Variants in ACTN1 observed in about 807,000 individuals in gnomAD.
ACTN1 encodes actinin alpha 1.
In ACTN1, 30 loss-of-function variants were observed where a neutral mutation model predicts 119.6. The ratio of observed to expected loss-of-function variants is 0.25; its 90% confidence interval spans 0.19 to 0.34. ACTN1 has a LOEUF of 0.34. Among genes scored for constraint, ACTN1 ranks in the 10% least tolerant of loss-of-function variants. ACTN1 has a pLI of 1.00. For missense variants in ACTN1, 764 were observed against 1,223.4 expected, an observed-to-expected ratio of 0.62 and a Z score of 5.60; for synonymous variants, 429 against 472.6, an observed-to-expected ratio of 0.91 and a Z score of 1.20.
chr14:68,882,859 G>A lies in ACTN1; in HGVS notation c.1818+14C>T, dbSNP rs755451797. 1.2e-6 allele frequency: 2 copies of A among 1,612,908 alleles called. No homozygotes were observed. Among genetic ancestry groups the A allele is most frequent in the East Asian group, 2.2e-5 (1 of 44,844 alleles). ...TGAAACTTACAATGGCTCGGCCCAT[G>A]CCCTTCAACTCACGTGGTCCCATTT... On this transcript the variant is annotated intron_variant, in intron 15 of 21. Transcript: ENST00000394419. The surrounding 1 kb of genome is among the most constrained non-coding windows in gnomAD (Gnocchi z 4.5).
chr14:68,880,734 G>T lies in ACTN1; in HGVS notation c.2133+76C>A. On this transcript the variant is annotated intron_variant, in intron 17 of 21. Coordinates refer to ENST00000394419, the MANE Select transcript of ACTN1 (RefSeq NM_001130004.2). The surrounding 1 kb of genome is among the most constrained non-coding windows in gnomAD (Gnocchi z 4.6). ...TCCTCCAACTATGACCTGTTCCCTT[G>T]GAGACTTCCCCACCCAGGAGAAAGA... 1 of 1,495,124 alleles carries T rather than the reference G, an allele frequency of 6.7e-7. No homozygotes were observed. Among genetic ancestry groups the T allele is most frequent in the Non-Finnish European group, 9.2e-7 (1 of 1,088,654 alleles). The allele number at this position is 1,495,124 out of a possible 1,614,324, so 92.6% of individuals were successfully genotyped here.
At chr14:68,881,939 T>C (rs1000223476) in intron 16 of ACTN1, among the ~76,000 whole-genome samples, 2 of 87,096 alleles carry the variant, frequency 2.3e-5, no homozygotes, top group East Asian at 4.9e-4. Context: ...GCAGCTTCTT[T>C]TTTTTTTTTT....
rs373675356 is a variant in ACTN1 at position 68,878,248 on chromosome 14, C to T, written c.2427+210G>A. 2.2e-4 allele frequency: 124 copies of T among 568,700 alleles called. No homozygotes were observed. Among genetic ancestry groups the T allele is most frequent in the African/African-American group, 2.0e-3 (106 of 53,804 alleles). 35.2% of individuals were successfully genotyped at this position (568,700 alleles called of 1,614,324 possible). A position where few individuals can be genotyped will look rare whatever the true frequency, so the allele number is the denominator to read the frequency against. ...AGATGAAGTGGCACAGAGATTGAGG[C>T]GAGGAGGTCAGGCCTCCCGGATACA... On this transcript the variant is annotated intron_variant, in intron 20 of 21. Transcript: ENST00000394419. This position sits in a 1 kb window ranked among gnomAD's most constrained non-coding sequence, Gnocchi z 4.4.
intron 1 of ACTN1, among the ~76,000 whole-genome samples, chr14:68,953,368 T>A (rs2036234934): frequency 6.6e-6 from 1 of 152,018 alleles, no homozygotes; most frequent in Admixed American, 6.6e-5. Flanking sequence ...TGTCCCCCAC[T>A]CCATGCCTGA....
chr14:68,950,801 T>A (rs1307089661), intron 1 of ACTN1, among the ~76,000 whole-genome samples: 1 of 152,180 alleles, frequency 6.6e-6, no homozygotes, highest in Non-Finnish European at 1.5e-5. Flanking sequence ...GACCTTGTGA[T>A]CTGGCTGCCT....
At chr14:68,929,739 C>A (rs987747893) in intron 1 of ACTN1, among the ~76,000 whole-genome samples, 1 of 152,192 alleles carries the variant, frequency 6.6e-6, no homozygotes, top group African/African-American at 2.4e-5. Context: ...CCACCTGCCC[C>A]GGCCCTGCAG....
intron 11 of ACTN1, among the ~76,000 whole-genome samples, chr14:68,888,704 C>T (rs934740032): frequency 6.6e-6 from 1 of 152,134 alleles, no homozygotes; most frequent in Non-Finnish European, 1.5e-5. Context: ...ACCTGAGCTC[C>T]GCCTCCTGTT....
At chr14:68,901,190 T>G (rs1205712412) in intron 8 of ACTN1, among the ~76,000 whole-genome samples, 1 of 82,896 alleles carries the variant, frequency 1.2e-5, no homozygotes, top group Non-Finnish European at 2.1e-5. Context: ...CATCATGCAT[T>G]TTTTTTTTGT....
rs114464901 is a variant in ACTN1 at position 68,894,623 on chromosome 14, T to C, written c.763-876A>G. Among the ~76,000 whole-genome samples the C allele has an allele frequency of 1.2e-3, 180 of 152,264 alleles. 1 individual carries two copies. Among genetic ancestry groups the C allele is most frequent in the African/African-American group, 4.2e-3 (173 of 41,532 alleles). On this transcript the variant is annotated intron_variant, in intron 8 of 21. Transcript: ENST00000394419. ...TTTAAAATCCAGCTGTGTTCTTGCA[T>C]ACATTCCAACCCTACACCAAGGGGG...
chr14:68,911,355 A>T (rs1472268255), intron 4 of ACTN1, among the ~76,000 whole-genome samples: 1 of 152,200 alleles, frequency 6.6e-6, no homozygotes, highest in Non-Finnish European at 1.5e-5. Flanking sequence ...AACAAGAACC[A>T]CACCCCAGGT....
chr14:68,889,025 C>CT (rs2032259646), intron 11 of ACTN1, among the ~76,000 whole-genome samples: 1 of 152,144 alleles, frequency 6.6e-6, no homozygotes. Flanking sequence ...ACAGGGCTGA[C>CT]TGGGGGAGTC....
At chr14:68,902,849 G>T (rs2033430156) in intron 7 of ACTN1, among the ~76,000 whole-genome samples, 1 of 152,166 alleles carries the variant, frequency 6.6e-6, no homozygotes, top group Non-Finnish European at 1.5e-5. Flanking sequence ...GGGTCAAAGG[G>T]AGGAGAGAAG....
chr14:68,922,006 G>A (rs1489143271), intron 2 of ACTN1, among the ~76,000 whole-genome samples: 1 of 152,132 alleles, frequency 6.6e-6, no homozygotes, highest in Admixed American at 6.6e-5. Context: ...GAGCATCCAG[G>A]GGCCTCCTGA....
At chr14:68,915,290 G>A (rs1594807353) in intron 3 of ACTN1, among the ~76,000 whole-genome samples, 2 of 81,454 alleles carry the variant, frequency 2.5e-5, no homozygotes, top group South Asian at 3.9e-4. Context: ...CCTCCTCCCC[G>A]TCCCCCCTGC....
intron 1 of ACTN1, among the ~76,000 whole-genome samples, chr14:68,943,590 A>G (rs1345715916): frequency 2.6e-5 from 4 of 152,128 alleles, no homozygotes; most frequent in African/African-American, 9.7e-5. Context: ...AGATGGGGAC[A>G]CTGATGGCAA....
chr14:68,887,118 C>A, intron 11 of ACTN1: 1 of 168,182 alleles, frequency 5.9e-6, no homozygotes, highest in Non-Finnish European at 1.3e-5. Context: ...AGTGACTTTC[C>A]AGCTTAAAAT....
At chr14:68,972,710 T>G (rs190672936) in intron 1 of ACTN1, among the ~76,000 whole-genome samples, 4 of 152,208 alleles carry the variant, frequency 2.6e-5, no homozygotes, top group African/African-American at 9.6e-5. Context: ...TGAGAAGGAG[T>G]GCAAATGCTG....
At chr14:68,876,229 C>G (rs1437464132) in intron 21 of ACTN1, among the ~76,000 whole-genome samples, 1 of 152,174 alleles carries the variant, frequency 6.6e-6, no homozygotes, top group African/African-American at 2.4e-5. Flanking sequence ...AACTCCTGAC[C>G]TGATCCATCC....
chr14:68,894,350 G>A lies in ACTN1; in HGVS notation c.763-603C>T, dbSNP rs1013608150. On this transcript the variant is annotated intron_variant, in intron 8 of 21. Transcript: ENST00000394419. ...AGACTTCCGGATCAACCAAGTATGG[G>A]CTCAATGCCCAGCAAACCCAGCACA... is the stretch of plus-strand genomic sequence containing the variant. Among the ~76,000 whole-genome samples the A allele has an allele frequency of 9.2e-5, 14 of 152,180 alleles. No homozygotes were observed. In the East Asian group the frequency reaches 2.7e-3, roughly 29 times the overall value.
Sources: allele counts gnomAD v4.1 joint callset (sites outside exome capture counted in the v4.1 genomes callset), GRCh38; gene constraint gnomAD v4.1.1; non-coding constraint Gnocchi (gnomAD v3.1); transcripts MANE v1.5; gene names NCBI Gene and HGNC (gene_info 2026-07-23, HGNC 2026-07-21).